The following RYR2 variants were observed in gnomAD, a reference collection of about 807,000 sequenced individuals.
The protein encoded by RYR2 is ryanodine receptor 2.
RYR2 carries 227 observed loss-of-function variants against 601.1 expected under a neutral mutation model. The observed-to-expected ratio is 0.38, with a 90% CI of 0.34 to 0.42. The LOEUF is 0.42. Among genes scored for constraint, RYR2 ranks in the 10% least tolerant of loss-of-function variants. The pLI is 1.00. For missense variants in RYR2, 4,646 were observed against 6,156.5 expected, an observed-to-expected ratio of 0.75 and a Z score of 8.21; for synonymous variants, 2,223 against 2,175.1, an observed-to-expected ratio of 1.02 and a Z score of -0.61.
At chr1:237,826,756 C>T (rs993514889) in intron 101 of RYR2, among the ~76,000 whole-genome samples, 4 of 152,142 alleles carry the variant, frequency 2.6e-5, no homozygotes, top group Non-Finnish European at 4.4e-5. Context: ...ACTATCTGCC[C>T]AGCACATGTA....
intron 97 of RYR2, among the ~76,000 whole-genome samples, chr1:237,800,328 A>G (rs1361647930): frequency 6.6e-6 from 1 of 152,120 alleles, no homozygotes; most frequent in Non-Finnish European, 1.5e-5. Context: ...AAATTCTTAT[A>G]TTGAAACCTG....
intron 8 of RYR2, among the ~76,000 whole-genome samples, chr1:237,380,272 G>C (rs769902736): frequency 6.7e-6 from 1 of 148,610 alleles, no homozygotes; most frequent in Non-Finnish European, 1.5e-5. Flanking sequence ...TAGGCAGAGG[G>C]AGTTGAAATA....
intron 1 of RYR2, among the ~76,000 whole-genome samples, chr1:237,247,359 G>A (rs1053566213): frequency 3.3e-5 from 5 of 152,060 alleles, no homozygotes; most frequent in South Asian, 4.1e-4. Flanking sequence ...ACAGACTTTC[G>A]TAGAGTGCCC....
intron 34 of RYR2, among the ~76,000 whole-genome samples, chr1:237,596,435 G>C (rs140941588): frequency 6.6e-6 from 1 of 152,160 alleles, no homozygotes; most frequent in African/African-American, 2.4e-5. Flanking sequence ...TTCAACAACA[G>C]ACTAGATCAA....
At chr1:237,830,498 C>A in intron 102 of RYR2, 32 bp from the exon 103 acceptor site, 1 of 1,339,088 alleles carries the variant, frequency 7.5e-7, no homozygotes, top group Non-Finnish European at 1.1e-6. Flanking sequence ...GCTTTCTGAA[C>A]TCTGACGTTA....
rs1319182515 is a variant in RYR2 at position 237,093,414 on chromosome 1, G to A, written c.48+50845G>A. ...ATTTATTCATGACATGGAGCTGCCC[G>A]GGCAGTCACCTGGGAAAGAGATGTC... is the stretch of plus-strand genomic sequence containing the variant. On this transcript the variant is annotated intron_variant, in intron 1 of 104. Coordinates refer to ENST00000366574, the MANE Select transcript of RYR2 (RefSeq NM_001035.3). Among the ~76,000 whole-genome samples the A allele has an allele frequency of 5.9e-5, 9 of 152,278 alleles. No homozygotes were observed. The South Asian group carries it at 6.2e-4, about 11-fold the overall frequency.
At chr1:237,553,524 A>G (rs1310749857) in intron 27 of RYR2, among the ~76,000 whole-genome samples, 2 of 151,964 alleles carry the variant, frequency 1.3e-5, no homozygotes, top group Non-Finnish European at 2.9e-5. Flanking sequence ...TTCATATTTT[A>G]TAAAGGTTTT....
intron 36 of RYR2, among the ~76,000 whole-genome samples, chr1:237,611,514 T>G (rs1229456821): frequency 6.6e-6 from 1 of 152,204 alleles, no homozygotes; most frequent in Non-Finnish European, 1.5e-5. Flanking sequence ...TAACATAAAG[T>G]ATAATAAGTA....
At chr1:237,792,070 A>G (rs1658437854) in intron 93 of RYR2, 35 bp from the exon 94 acceptor site, 1 of 1,479,228 alleles carries the variant, frequency 6.8e-7, no homozygotes, top group Non-Finnish European at 9.3e-7. Context: ...TCTTAGATGC[A>G]GCAAACTGAC....
Position 237,079,815 on chromosome 1 carries a change from T to C in RYR2, c.48+37246T>C, listed in dbSNP as rs201014562. 3.6e-3 allele frequency among the ~76,000 whole-genome samples: 504 copies of C among 138,728 alleles called. 1 individual carries two copies. Among genetic ancestry groups the C allele is most frequent in the African/African-American group, 5.6e-3 (171 of 30,466 alleles). The allele number at this position is 138,728 out of a possible 152,430, so 91.0% of individuals were successfully genotyped here. A position where few individuals can be genotyped will look rare whatever the true frequency, so the allele number is the denominator to read the frequency against. On this transcript the variant is annotated intron_variant, in intron 1 of 104. Transcript: ENST00000366574. ...CATGGAACCAAAAAAGAGCCCGCAT[T>C]GCCAAGTCAATCCTAAGCCAAAAGA...
chr1:237,462,474 C>T (rs746310871), intron 16 of RYR2, among the ~76,000 whole-genome samples: 4 of 152,208 alleles, frequency 2.6e-5, no homozygotes, highest in African/African-American at 7.2e-5. Context: ...TCTTTTCTGA[C>T]ATCCACACGA....
intron 58 of RYR2, among the ~76,000 whole-genome samples, chr1:237,673,717 A>G (rs773286785): frequency 1.3e-5 from 2 of 152,218 alleles, no homozygotes; most frequent in Non-Finnish European, 2.9e-5. Flanking sequence ...AACATGCCTT[A>G]TAACTTTTCT....
chr1:237,815,763 A>G (rs1026599488), intron 100 of RYR2, among the ~76,000 whole-genome samples: 1 of 152,206 alleles, frequency 6.6e-6, no homozygotes, highest in Non-Finnish European at 1.5e-5. Flanking sequence ...TAGAAACTAC[A>G]AGTGAATCAT....
intron 15 of RYR2, among the ~76,000 whole-genome samples, chr1:237,455,157 A>G (rs998843107): frequency 2.0e-4 from 30 of 152,168 alleles, no homozygotes; most frequent in African/African-American, 6.8e-4. Flanking sequence ...CTCAAGTGTC[A>G]TATTTTACAA....
chr1:237,590,558 C>A, intron 30 of RYR2, 82 bp from the exon 31 acceptor site: 1 of 1,164,384 alleles, frequency 8.6e-7, no homozygotes, highest in Non-Finnish European at 1.2e-6. Context: ...ATTCTGAAAA[C>A]GTGATGTGCC....
chr1:237,290,679 T>C (rs1173761162), intron 2 of RYR2, among the ~76,000 whole-genome samples: 1 of 152,134 alleles, frequency 6.6e-6, no homozygotes, highest in East Asian at 1.9e-4. Flanking sequence ...AAAACAGCAC[T>C]ACCACCAACA....
At chr1:237,206,451 A>G (rs536664841) in intron 1 of RYR2, among the ~76,000 whole-genome samples, 8 of 152,352 alleles carry the variant, frequency 5.3e-5, no homozygotes, top group Admixed American at 4.6e-4. Flanking sequence ...TGTTTTACCA[A>G]TAAAGATTGT....
intron 12 of RYR2, among the ~76,000 whole-genome samples, chr1:237,426,023 A>G (rs1188868488): frequency 6.6e-6 from 1 of 151,768 alleles, no homozygotes; most frequent in African/African-American, 2.4e-5. Context: ...CCTTTATTGT[A>G]CATTTAGGTT....
intron 17 of RYR2, among the ~76,000 whole-genome samples, chr1:237,472,621 G>T (rs1045787010): frequency 6.6e-6 from 1 of 151,456 alleles, no homozygotes; most frequent in Non-Finnish European, 1.5e-5. Context: ...TCCTGAAATA[G>T]ATTTAGAATA....
Sources: allele counts gnomAD v4.1 joint callset (sites outside exome capture counted in the v4.1 genomes callset), GRCh38; gene constraint gnomAD v4.1.1; transcripts MANE v1.5; gene names NCBI Gene and HGNC (gene_info 2026-07-23, HGNC 2026-07-21).